PHACTR3: variants seen among roughly 807,000 people sequenced by gnomAD.
PHACTR3 encodes the protein phosphatase and actin regulator 3, also known as protein phosphatase 1, regulatory subunit 123.
PHACTR3 carries 16 observed loss-of-function variants against 66.8 expected under a neutral mutation model. The observed-to-expected ratio is 0.24, with a 90% CI of 0.16 to 0.36. The LOEUF (loss-of-function observed/expected upper bound fraction) is 0.36, where lower values mean the gene tolerates loss of function less well. PHACTR3 is among the 10% of genes least tolerant of loss of function. The pLI, the probability that PHACTR3 is intolerant of heterozygous loss-of-function variation, is 1.00. For synonymous variants in PHACTR3, 323 were observed against 292.1 expected (o/e 1.11, Z -1.08); for missense variants, 647 against 719.9 (o/e 0.90, Z 1.16).
intron 8 of PHACTR3, among the ~76,000 whole-genome samples, chr20:59,814,319 G>A (rs2041827386): frequency 6.6e-6 from 1 of 152,216 alleles, no homozygotes; most frequent in African/African-American, 2.4e-5. Flanking sequence ...AGGATGAACG[G>A]CAGGCCTGTG....
intron 1 of PHACTR3, among the ~76,000 whole-genome samples, chr20:59,584,289 T>C (rs1376815931): frequency 6.6e-6 from 1 of 151,736 alleles, no homozygotes; most frequent in Non-Finnish European, 1.5e-5. Flanking sequence ...TGCAAGAGTG[T>C]GTACGTGCCT....
At chr20:59,731,158 T>C (rs553908682) in intron 1 of PHACTR3, among the ~76,000 whole-genome samples, 32 of 152,156 alleles carry the variant, frequency 2.1e-4, no homozygotes, top group Non-Finnish European at 4.0e-4. Context: ...TTGAAGATGT[T>C]GTGTGATATT....
chr20:59,661,907 T>C (rs1253600768), intron 1 of PHACTR3, among the ~76,000 whole-genome samples: 1 of 152,170 alleles, frequency 6.6e-6, no homozygotes, highest in Admixed American at 6.5e-5. Context: ...GTGGCAGGGC[T>C]GCTTGCTGCG....
intron 1 of PHACTR3, among the ~76,000 whole-genome samples, chr20:59,683,311 T>C (rs1312267144): frequency 6.6e-6 from 1 of 152,304 alleles, no homozygotes; most frequent in Non-Finnish European, 1.5e-5. Context: ...GATGACAAAT[T>C]GGCAATTGGC....
At chr20:59,766,511 G>A (rs2040186725) in intron 4 of PHACTR3, among the ~76,000 whole-genome samples, 1 of 152,166 alleles carries the variant, frequency 6.6e-6, no homozygotes, top group African/African-American at 2.4e-5. Flanking sequence ...AGGGAAAGCT[G>A]GGGATGGGCA....
At chr20:59,818,325 G>A (rs1034819150) in intron 8 of PHACTR3, among the ~76,000 whole-genome samples, 8 of 152,180 alleles carry the variant, frequency 5.3e-5, no homozygotes, top group African/African-American at 1.9e-4. Context: ...GCAATGAGCC[G>A]TCACACGTAG....
chr20:59,802,314 G>T (rs936337630), intron 7 of PHACTR3, among the ~76,000 whole-genome samples: 1 of 152,156 alleles, frequency 6.6e-6, no homozygotes, highest in East Asian at 1.9e-4. Flanking sequence ...GGGGTTTGAG[G>T]ATTGGGTCCT....
intron 1 of PHACTR3, among the ~76,000 whole-genome samples, chr20:59,595,955 C>T (rs925171475): frequency 1.3e-5 from 2 of 152,154 alleles, no homozygotes; most frequent in African/African-American, 4.8e-5. Context: ...ATACCATAAA[C>T]GTTCATCTTG....
At position 59,830,449 on chromosome 20, in the gene PHACTR3, G is replaced by A. The variant is rs1201515109; in HGVS notation, c.1329-6056G>A. On this transcript the variant is annotated intron_variant, in intron 8 of 12. Transcript: ENST00000371015. The surrounding 1 kb of genome is among the most constrained non-coding windows in gnomAD (Gnocchi z 5.8). ...GAGGAATGTGTGGGCATCTGATGGA[G>A]GAAGATGTGAACATCTGATGGAGGT... 6.6e-6 allele frequency among the ~76,000 whole-genome samples: 1 copy of A among 152,092 alleles called. No individual in the cohort carries two copies. Among genetic ancestry groups the A allele is most frequent in the African/African-American group, 2.4e-5 (1 of 41,424 alleles).
At chr20:59,578,428 G>A (rs575170624) in intron 1 of PHACTR3, among the ~76,000 whole-genome samples, 1 of 152,200 alleles carries the variant, frequency 6.6e-6, no homozygotes, top group Non-Finnish European at 1.5e-5. Context: ...ATTACAGATT[G>A]TTCCAGGGGC....
At chr20:59,800,447 G>T (rs777794643) in intron 7 of PHACTR3, among the ~76,000 whole-genome samples, 105 of 152,010 alleles carry the variant, frequency 6.9e-4, no homozygotes, top group East Asian at 2.1e-3. Context: ...GTTGTCTGGG[G>T]TTTTTTTTCT....
chr20:59,651,098 C>A (rs574230944), intron 1 of PHACTR3, among the ~76,000 whole-genome samples: 1 of 152,126 alleles, frequency 6.6e-6, no homozygotes, highest in African/African-American at 2.4e-5. Context: ...TGGTGGTGTA[C>A]ACCTGTAATC....
chr20:59,676,041 G>A (rs2036438648), intron 1 of PHACTR3, among the ~76,000 whole-genome samples: 1 of 152,198 alleles, frequency 6.6e-6, no homozygotes, highest in Non-Finnish European at 1.5e-5. Flanking sequence ...GCCTCCTGAG[G>A]TCCCTTGGGA....
chr20:59,725,547 T>C (rs1045776654), intron 1 of PHACTR3, among the ~76,000 whole-genome samples: 22 of 152,162 alleles, frequency 1.4e-4, no homozygotes, highest in Admixed American at 1.3e-4. Flanking sequence ...CCAGAGCAGA[T>C]GATTGTCTTG....
intron 3 of PHACTR3, among the ~76,000 whole-genome samples, chr20:59,750,524 T>C (rs1187548544): frequency 6.6e-6 from 1 of 151,854 alleles, no homozygotes; most frequent in Non-Finnish European, 1.5e-5. Context: ...GACCTTGAGA[T>C]GGTGGGTTGG....
At chr20:59,770,674 CCT>C (rs949928315) in intron 5 of PHACTR3, among the ~76,000 whole-genome samples, 1 of 152,216 alleles carries the variant, frequency 6.6e-6, no homozygotes, top group Non-Finnish European at 1.5e-5. Context: ...CTCTGATCAC[CCT>C]CTGAGTCACT....
At chr20:59,782,461 AGGCTGGTCT>A (rs1661176678) in intron 7 of PHACTR3, among the ~76,000 whole-genome samples, 1 of 152,180 alleles carries the variant, frequency 6.6e-6, no homozygotes, top group Non-Finnish European at 1.5e-5. Context: ...CATGTTGGCC[AGGCTGGTCT>A]GGAACTCCTG....
intron 3 of PHACTR3, among the ~76,000 whole-genome samples, chr20:59,750,719 A>T (rs1320034856): frequency 6.6e-6 from 1 of 152,126 alleles, no homozygotes; most frequent in Non-Finnish European, 1.5e-5. Flanking sequence ...TCTGCAGGGA[A>T]ATATCAGGGA....
At chr20:59,786,495 G>T (rs1378308792) in intron 7 of PHACTR3, among the ~76,000 whole-genome samples, 1 of 152,198 alleles carries the variant, frequency 6.6e-6, no homozygotes, top group African/African-American at 2.4e-5. Context: ...GCAGCCCTGG[G>T]GGCAGAGCCA....
Sources: allele counts gnomAD v4.1 joint callset (sites outside exome capture counted in the v4.1 genomes callset), GRCh38; gene constraint gnomAD v4.1.1; non-coding constraint Gnocchi (gnomAD v3.1); transcripts MANE v1.5; gene names NCBI Gene and HGNC (gene_info 2026-07-23, HGNC 2026-07-21).